Variants in PTN observed in about 807,000 individuals in gnomAD.
The protein encoded by PTN is heparin affin regulatory protein.
Under a neutral mutation model 24.1 loss-of-function variants are expected in PTN, and 18 were observed. The ratio of observed to expected loss-of-function variants is 0.75; its 90% CI spans 0.52 to 1.11. The LOEUF (loss-of-function observed/expected upper bound fraction) is 1.11. PTN is among the 50% of genes least tolerant of loss of function. The pLI is 0.00. For missense variants in PTN, 163 were observed against 198.8 expected (o/e 0.82, Z 1.08); for synonymous variants, 78 against 68.6 (o/e 1.14, Z -0.67).
chr7:137,340,468 G>T (rs1810516570), intron 1 of PTN, among the ~76,000 whole-genome samples: 1 of 152,300 alleles, frequency 6.6e-6, no homozygotes, highest in Admixed American at 6.5e-5. Context: ...AACTTGAATT[G>T]TCCATAAACA....
chr7:137,298,868 T>C (rs1452969714), intron 1 of PTN, among the ~76,000 whole-genome samples: 2 of 151,954 alleles, frequency 1.3e-5, no homozygotes, highest in Non-Finnish European at 2.9e-5. Context: ...TCAGAGAAAT[T>C]ACATGTCTTT....
At chr7:137,314,532 C>T (rs866369412) in intron 1 of PTN, among the ~76,000 whole-genome samples, 2 of 151,046 alleles carry the variant, frequency 1.3e-5, no homozygotes, top group South Asian at 4.2e-4. Flanking sequence ...ACAGATGTGC[C>T]GTATACATTA....
intron 1 of PTN, among the ~76,000 whole-genome samples, chr7:137,341,485 T>C (rs887241145): frequency 6.6e-6 from 1 of 151,886 alleles, no homozygotes; most frequent in Admixed American, 6.6e-5. Context: ...ATAATACATA[T>C]AATACATTAG....
chr7:137,268,162 C>G (rs1809194359), intron 1 of PTN, among the ~76,000 whole-genome samples: 3 of 152,182 alleles, frequency 2.0e-5, no homozygotes, highest in African/African-American at 7.2e-5. Context: ...CCACGGGGGC[C>G]TGCCACACAC....
intron 4 of PTN, among the ~76,000 whole-genome samples, chr7:137,233,627 T>C (rs562699844): frequency 1.5e-4 from 23 of 151,992 alleles, no homozygotes; most frequent in African/African-American, 5.1e-4. Context: ...TTAAAGATCA[T>C]GGGTATGTGG....
chr7:137,234,632 G>A (rs1375535933), intron 4 of PTN, among the ~76,000 whole-genome samples: 1 of 151,978 alleles, frequency 6.6e-6, no homozygotes, highest in Non-Finnish European at 1.5e-5. Context: ...GATTGGAAGT[G>A]GGCCTTAAGA....
intron 1 of PTN, among the ~76,000 whole-genome samples, chr7:137,327,710 G>GA (rs900997114): frequency 1.2e-4 from 18 of 151,774 alleles, no homozygotes; most frequent in East Asian, 3.9e-4. Flanking sequence ...TTCCTTCTCT[G>GA]AAAAAAAACC....
At chr7:137,341,010 C>T (rs935229495) in intron 1 of PTN, among the ~76,000 whole-genome samples, 9 of 152,168 alleles carry the variant, frequency 5.9e-5, no homozygotes, top group Non-Finnish European at 7.3e-5. Context: ...TAATTTATCA[C>T]ACCATTTTCA....
chr7:137,267,174 G>GTC (rs1017454224), intron 1 of PTN, among the ~76,000 whole-genome samples: 9 of 151,756 alleles, frequency 5.9e-5, no homozygotes, highest in Admixed American at 4.6e-4. Flanking sequence ...TTGACTTTCT[G>GTC]TCTCTCTCTC....
intron 4 of PTN, 103 bp from the exon 5 acceptor site, chr7:137,228,178 G>A: frequency 1.4e-6 from 1 of 737,010 alleles, no homozygotes; most frequent in South Asian, 1.6e-5. Flanking sequence ...TGACCAGACT[G>A]ATACACAAGT....
intron 1 of PTN, 107 bp from the exon 2 acceptor site, chr7:137,255,081 A>G (rs184270131): frequency 4.4e-6 from 3 of 674,764 alleles, no homozygotes; most frequent in Non-Finnish European, 6.8e-6. Context: ...CTGGAATGTT[A>G]GATTTCAGGA....
chr7:137,233,105 G>A (rs2128867606), intron 4 of PTN, among the ~76,000 whole-genome samples: 1 of 152,012 alleles, frequency 6.6e-6, no homozygotes, highest in East Asian at 1.9e-4. Context: ...ACAATTCTGA[G>A]CCCATGTGTT....
intron 1 of PTN, among the ~76,000 whole-genome samples, chr7:137,255,296 T>A (rs1286245150): frequency 6.6e-6 from 1 of 152,256 alleles, no homozygotes; most frequent in African/African-American, 2.4e-5. Flanking sequence ...ACAGTCCTAC[T>A]GTCTTGCTGA....
At chr7:137,310,330 T>A (rs1809958710) in intron 1 of PTN, among the ~76,000 whole-genome samples, 1 of 151,838 alleles carries the variant, frequency 6.6e-6, no homozygotes, top group Admixed American at 6.6e-5. Flanking sequence ...GCATAATTCT[T>A]AAGGGCCCTA....
At chr7:137,271,607 G>C (rs2128874460) in intron 1 of PTN, among the ~76,000 whole-genome samples, 1 of 152,368 alleles carries the variant, frequency 6.6e-6, no homozygotes, top group East Asian at 1.9e-4. Context: ...TGAGTTCAAA[G>C]AAGACTCGGC....
At chr7:137,318,722 T>C (rs1002007379) in intron 1 of PTN, 9 of 151,234 alleles carry the variant, frequency 6.0e-5, no homozygotes, top group African/African-American at 2.2e-4. Context: ...AACATTGATT[T>C]TGGAGTCAGA....
At chr7:137,276,704 T>C (rs1809365469) in intron 1 of PTN, among the ~76,000 whole-genome samples, 1 of 152,194 alleles carries the variant, frequency 6.6e-6, no homozygotes, top group Non-Finnish European at 1.5e-5. Flanking sequence ...AGTTAACTAA[T>C]ACTGGTGCAT....
At position 137,231,247 on chromosome 7, in the gene PTN, AAT is replaced by A. The variant is rs555753961; in HGVS notation, c.452-3174_452-3173del. ...ATAAATGGATCCATAACATGGTGAT[AAT>A]ATGTCTCACCCATCTTCCTTATGAC... On this transcript the variant is annotated intron_variant, in intron 4 of 4. Transcript: ENST00000348225. 1.5e-3 allele frequency among the ~76,000 whole-genome samples: 221 copies of A among 152,014 alleles called. 1 individual carries two copies. Among genetic ancestry groups the A allele is most frequent in the Middle Eastern group, 3.4e-3 (1 of 294 alleles).
At chr7:137,268,517 T>G (rs1225284676) in intron 1 of PTN, among the ~76,000 whole-genome samples, 15 of 151,836 alleles carry the variant, frequency 9.9e-5, no homozygotes, top group Non-Finnish European at 5.9e-5. Flanking sequence ...CGTGAGAGGG[T>G]CGTGATCGAC....
Sources: allele counts gnomAD v4.1 joint callset (sites outside exome capture counted in the v4.1 genomes callset), GRCh38; gene constraint gnomAD v4.1.1; transcripts MANE v1.5; gene names NCBI Gene and HGNC (gene_info 2026-07-23, HGNC 2026-07-21).